The following EDA variants were observed in gnomAD, a reference collection of about 807,000 sequenced individuals.
EDA encodes ectodysplasin-A.
Under a neutral mutation model 23.6 loss-of-function variants are expected in EDA, and 2 were observed. That is an observed-to-expected ratio of 0.08 (90% CI 0.03 to 0.27). EDA has a LOEUF of 0.27. EDA is among the 10% of genes least tolerant of loss of function. The pLI, the probability that EDA is intolerant of heterozygous loss-of-function variation, is 1.00. For synonymous variants in EDA, 131 were observed against 132.0 expected, an observed-to-expected ratio of 0.99 and a Z score of 0.05; for missense variants, 229 against 324.2, an observed-to-expected ratio of 0.71 and a Z score of 2.26.
rs1270338172 is a variant in EDA, at chrX:69,987,311, T to TAAAAAAA, written c.502+30184_502+30185insAAAAAAA. 8.9e-3 allele frequency among the ~76,000 whole-genome samples: 902 copies of TAAAAAAA among 101,626 alleles called. 14 individuals carry two copies. Among genetic ancestry groups the TAAAAAAA allele is most frequent in the African/African-American group, 0.029 (779 of 27,286 alleles). 88.2% of individuals were successfully genotyped at this position (101,626 alleles called of 115,157 possible). On this transcript the variant is annotated intron_variant, in intron 2 of 7. Transcript: ENST00000374552. ...AATTAAAAAAAAAAATTTTTTTTTT[T>TAAAAAAA]AAAAATAAATAAATAAAAAAAAAAT...
intron 2 of EDA, among the ~76,000 whole-genome samples, chrX:70,004,114 A>G: frequency 8.9e-6 from 1 of 112,315 alleles, no homozygotes; most frequent in Non-Finnish European, 1.9e-5. Context: ...TTGAGGGACC[A>G]TTATGCTTCT....
chrX:69,969,320 A>T (rs1196700054), intron 2 of EDA, among the ~76,000 whole-genome samples: 2 of 112,432 alleles, frequency 1.8e-5, no homozygotes, highest in African/African-American at 3.2e-5. Context: ...TTTAAAAGGA[A>T]ATGGAAAAGA....
chrX:69,990,412 AGCTATCTACTGATT>A (rs1418458949), intron 2 of EDA, among the ~76,000 whole-genome samples: 3 of 111,302 alleles, frequency 2.7e-5, no homozygotes, highest in African/African-American at 9.8e-5. Flanking sequence ...ATCTACTGAT[AGCTATCTACTGATT>A]GATAGCTATC....
chrX:69,896,990 T>C (rs1385644361), intron 1 of EDA, among the ~76,000 whole-genome samples: 1 of 111,997 alleles, frequency 8.9e-6, no homozygotes, highest in Admixed American at 9.5e-5. Flanking sequence ...TATTTTTCAC[T>C]CTTGCTTTGA....
chrX:69,628,626 C>T (rs144998433), intron 1 of EDA, among the ~76,000 whole-genome samples: 1 of 111,379 alleles, frequency 9.0e-6, no homozygotes, highest in Non-Finnish European at 1.9e-5. Flanking sequence ...CTTCATTCTT[C>T]CCCTTCCCAC....
In EDA at chrX:69,656,240, A is replaced by G. The variant is rs138163073; in HGVS notation, c.396+39536A>G. 4.2e-3 allele frequency among the ~76,000 whole-genome samples: 463 copies of G among 111,134 alleles called. 2 individuals carry two copies. Among genetic ancestry groups the G allele is most frequent in the African/African-American group, 0.015 (444 of 30,508 alleles). ...GCCTTTCACAATGCTCCTTAGTCCTATTAATCTAATCTTCAGAAATCTCTG... is the reference window on the plus strand; with the variant it reads ...GCCTTTCACAATGCTCCTTAGTCCTGTTAATCTAATCTTCAGAAATCTCTG... On this transcript the variant is annotated intron_variant, in intron 1 of 7. Coordinates refer to ENST00000374552, the MANE Select transcript of EDA (RefSeq NM_001399.5).
At chrX:69,659,291 A>G (rs1055890581) in intron 1 of EDA, among the ~76,000 whole-genome samples, 1 of 112,335 alleles carries the variant, frequency 8.9e-6, no homozygotes, top group African/African-American at 3.2e-5. Context: ...AGTTTATACT[A>G]CATTTCGGGA....
chrX:69,636,653 G>GGTT (rs1932780140), intron 1 of EDA, among the ~76,000 whole-genome samples: 1 of 98,206 alleles, frequency 1.0e-5, no homozygotes, highest in African/African-American at 3.7e-5. Flanking sequence ...TTTTTTTGAT[G>GGTT]CTCAAACTTT....
chrX:70,007,702 A>G (rs1255042526), intron 2 of EDA, among the ~76,000 whole-genome samples: 1 of 111,583 alleles, frequency 9.0e-6, no homozygotes, highest in Non-Finnish European at 1.9e-5. Context: ...TGACATCTTA[A>G]CAATATTGAG....
intron 6 of EDA, among the ~76,000 whole-genome samples, chrX:70,032,582 G>A (rs901826230): frequency 1.8e-5 from 2 of 111,803 alleles, no homozygotes; most frequent in African/African-American, 6.5e-5. Context: ...AGGATGGAAA[G>A]AGAAGTTTTT....
intron 2 of EDA, among the ~76,000 whole-genome samples, chrX:69,983,875 C>T (rs1427831006): frequency 9.2e-6 from 1 of 108,869 alleles, no homozygotes; most frequent in Non-Finnish European, 1.9e-5. Context: ...TTCCATTCTC[C>T]ACATCCTCAG....
At chrX:69,871,017 C>T (rs2017558281) in intron 1 of EDA, among the ~76,000 whole-genome samples, 2 of 111,538 alleles carry the variant, frequency 1.8e-5, no homozygotes, top group Admixed American at 9.5e-5. Context: ...CTTGGTTCTC[C>T]ACATATGGTC....
intron 1 of EDA, among the ~76,000 whole-genome samples, chrX:69,629,957 C>T (rs1166905743): frequency 9.0e-6 from 1 of 111,517 alleles, no homozygotes; most frequent in Non-Finnish European, 1.9e-5. Context: ...TCACAAACCC[C>T]ATACACCCCC....
intron 1 of EDA, among the ~76,000 whole-genome samples, chrX:69,776,816 A>G (rs1476298814): frequency 1.8e-5 from 2 of 111,514 alleles, no homozygotes. Flanking sequence ...ATATATATTT[A>G]GTATCTAACA....
rs766332541 is a variant in EDA, at chrX:69,938,215, A to G, written c.397-18812A>G. 2.5e-3 allele frequency among the ~76,000 whole-genome samples: 273 copies of G among 110,768 alleles called. 3 individuals carry two copies. The highest frequency in any genetic ancestry group is 7.4e-3 in the African/African-American group (226 of 30,486). ...GCCCCATAGACACCTCTCGCCCAGC[A>G]AGGGATCTGCACCACACCGTGGTGC... On this transcript the variant is annotated intron_variant, in intron 1 of 7. Coordinates refer to ENST00000374552, the MANE Select transcript of EDA (RefSeq NM_001399.5).
intron 1 of EDA, among the ~76,000 whole-genome samples, chrX:69,837,972 A>G (rs1190438041): frequency 2.7e-5 from 3 of 112,414 alleles, no homozygotes; most frequent in Non-Finnish European, 3.8e-5. Context: ...CATTATAAAG[A>G]TGTTGGATTC....
rs772133157 is a variant in EDA, at chrX:69,815,594, A to T, written c.397-141433A>T. Among the ~76,000 whole-genome samples the T allele has an allele frequency of 3.6e-5, 4 of 109,623 alleles. No individual in the cohort carries two copies. The South Asian group carries it at 1.6e-3, about 43-fold the overall frequency. On this transcript the variant is annotated intron_variant, in intron 1 of 7. Coordinates refer to ENST00000374552, the MANE Select transcript of EDA (RefSeq NM_001399.5). The stretch of plus-strand genomic sequence containing the variant: ...TGGCCAGAGTGCTTCTTTAATTGGG[A>T]CCCCAATCCATTTCTCCACACTAGG...
chrX:70,020,589 T>C (rs2020020352), intron 2 of EDA, among the ~76,000 whole-genome samples: 1 of 111,536 alleles, frequency 9.0e-6, no homozygotes, highest in Non-Finnish European at 1.9e-5. Context: ...TCATTGTTTA[T>C]AAATGTACAT....
At chrX:69,724,591 C>T (rs996705412) in intron 1 of EDA, among the ~76,000 whole-genome samples, 2 of 111,322 alleles carry the variant, frequency 1.8e-5, no homozygotes, top group African/African-American at 6.5e-5. Flanking sequence ...AGTGACAGTT[C>T]CCTGAGGCTC....
Sources: gnomAD v4.1 joint callset for allele counts (sites outside exome capture counted in the v4.1 genomes callset) on GRCh38, gnomAD v4.1.1 for gene constraint, MANE v1.5 for transcripts, NCBI Gene and HGNC (gene_info 2026-07-23, HGNC 2026-07-21) for gene names.